Variants in ADSS1 observed in about 807,000 individuals in gnomAD.
ADSS1 encodes the protein adenylosuccinate synthetase isozyme 1.
ADSS1 carries 57 observed loss-of-function variants against 59.1 expected under a neutral mutation model. That is an observed-to-expected ratio of 0.97 (90% CI 0.78 to 1.20). The LOEUF is 1.20. Ranked by LOEUF, ADSS1 falls within the 50% of genes most tolerant of loss-of-function variation. The probability of loss-of-function intolerance (pLI) is 0.00; values close to 1 mark genes in which losing one functional copy is unlikely to be tolerated. For missense variants in ADSS1, 603 were observed against 610.3 expected (o/e 0.99, Z 0.13); for synonymous variants, 247 against 249.4 (o/e 0.99, Z 0.09).
chr14:104,730,108 G>T, intron 1 of ADSS1: 2 of 1,550,176 alleles, frequency 1.3e-6, no homozygotes, highest in Non-Finnish European at 1.7e-6. Context: ...GGGTGACGCT[G>T]GGAGAGGAGA....
chr14:104,729,529 G>A (rs1204571843), intron 1 of ADSS1, among the ~76,000 whole-genome samples: 2 of 124,252 alleles, frequency 1.6e-5, no homozygotes, highest in African/African-American at 7.6e-5. Context: ...GCGTGGCGTC[G>A]GCGTCGTGGG....
Position 104,743,136 on chromosome 14 carries a change from G to C in ADSS1, c.1018G>C (p.Gly340Arg), listed in dbSNP as rs989698681. Residue 340 changes from glycine (G) to arginine (R), a missense_variant, in exon 10 of 13, where the codon GGC becomes CGC. Coordinates refer to ENST00000330877, the MANE Select transcript of ADSS1 (RefSeq NM_152328.5). Reference sequence around the variant, plus strand: ...GACCACAGGCAGGAAGAGGCGCTGCGGCTGGCTCGACCTGATGATTCTAAG... The same window carrying C: ...GACCACAGGCAGGAAGAGGCGCTGCCGCTGGCTCGACCTGATGATTCTAAG... Reference protein sequence around the residue: ...GVTTGRKRRCGWLDLMILRYA... With the variant: ...GVTTGRKRRCRWLDLMILRYA... The C allele has an allele frequency of 1.9e-6, 3 of 1,612,688 alleles. No homozygotes were observed. Among genetic ancestry groups the C allele is most frequent in the Non-Finnish European group, 2.5e-6 (3 of 1,180,018 alleles).
intron 2 of ADSS1, among the ~76,000 whole-genome samples, chr14:104,736,376 T>C (rs550504345): frequency 1.2e-3 from 182 of 152,328 alleles, no homozygotes; most frequent in Middle Eastern, 3.4e-3. Context: ...GGGCCCCACA[T>C]GGCAGGAAAC....
In ADSS1 at chr14:104,740,790, G is replaced by A. The variant is rs1891317949; in HGVS notation, c.585-49G>A. ...TGTGGCTAGTGGGGAGGGCCCTGAG[G>A]ACCAGCATGGACCATGACAGGGGGT... On this transcript the variant is annotated intron_variant, in intron 6 of 12. Coordinates refer to ENST00000330877, the MANE Select transcript of ADSS1 (RefSeq NM_152328.5). The surrounding 1 kb of genome is among the most constrained non-coding windows in gnomAD (Gnocchi z 4.8). The A allele has an allele frequency of 6.2e-7, 1 of 1,612,694 alleles. No individual in the cohort carries two copies. Among genetic ancestry groups the A allele is most frequent in the Non-Finnish European group, 8.5e-7 (1 of 1,179,234 alleles).
At chr14:104,746,585 G>T (rs888773329) in intron 12 of ADSS1, among the ~76,000 whole-genome samples, 200 bp downstream of exon 12, 6 of 152,072 alleles carry the variant, frequency 3.9e-5, no homozygotes, top group African/African-American at 1.4e-4. Flanking sequence ...CTTGCCGGGA[G>T]CCCCTGCCTC....
At chr14:104,744,249 T>C in intron 10 of ADSS1, 1 of 153,520 alleles carries the variant, frequency 6.5e-6, no homozygotes, top group Non-Finnish European at 1.4e-5. Context: ...CGGGGGGCAC[T>C]CGAGGTACAG....
chr14:104,738,638 T>C (rs898872547), intron 3 of ADSS1, among the ~76,000 whole-genome samples, 200 bp downstream of exon 3: 48 of 152,320 alleles, frequency 3.2e-4, no homozygotes, highest in African/African-American at 1.1e-3. Context: ...CCTCAGATGC[T>C]GGTGGCCTCA....
chr14:104,726,366 G>A lies in ADSS1; in HGVS notation c.192+1904G>A, dbSNP rs117275656. ...GCCCTTTGTCCCCACCTGCGAGTGC[G>A]GGGACCGAGCTGGATCTCAGCGGGG... On this transcript the variant is annotated intron_variant, in intron 1 of 12. Coordinates refer to ENST00000330877, the MANE Select transcript of ADSS1 (RefSeq NM_152328.5). Among the ~76,000 whole-genome samples the A allele has an allele frequency of 2.7e-3, 410 of 152,316 alleles. 3 individuals are homozygous for A. The East Asian group carries it at 0.033, about 12-fold the overall frequency.
chr14:104,739,987 G>A (rs966197510), intron 5 of ADSS1, among the ~76,000 whole-genome samples, 171 bp downstream of exon 5: 4 of 152,062 alleles, frequency 2.6e-5, no homozygotes, highest in African/African-American at 9.7e-5. Context: ...ACCCCCGGAC[G>A]AGCCAGCCCG....
chr14:104,732,816 G>A (rs1890978212), intron 1 of ADSS1, among the ~76,000 whole-genome samples: 1 of 152,216 alleles, frequency 6.6e-6, no homozygotes, highest in Admixed American at 6.5e-5. Context: ...CCAAAAGGCA[G>A]CAGATGCAGT....
In ADSS1 at chr14:104,740,734, G is replaced by A; in HGVS notation, c.584+26G>A. On this transcript the variant is annotated intron_variant, in intron 6 of 12. Coordinates refer to ENST00000330877, the MANE Select transcript of ADSS1 (RefSeq NM_152328.5). The surrounding 1 kb of genome is among the most constrained non-coding windows in gnomAD (Gnocchi z 4.8). The stretch of plus-strand genomic sequence containing the variant: ...GTACCTGAGCCGTCTGCAGTCCCCG[G>A]GGAGGATGGGGAGAAGTTGCCGGAA... The A allele has an allele frequency of 6.2e-7, 1 of 1,613,410 alleles. No homozygotes were observed. Among genetic ancestry groups the A allele is most frequent in the Non-Finnish European group, 8.5e-7 (1 of 1,179,448 alleles).
At position 104,741,917 on chromosome 14, in the gene ADSS1, C is replaced by T. The variant is rs371777343; in HGVS notation, c.863C>T (p.Pro288Leu). The T allele has an allele frequency of 1.6e-5, 26 of 1,613,414 alleles. No individual in the cohort carries two copies. The highest frequency in any genetic ancestry group is 1.8e-5 in the Non-Finnish European group (21 of 1,180,020). The stretch of plus-strand genomic sequence containing the variant: ...GTGTGCACGGGCCTGGGCATCCCCC[C>T]GCAGAACATAGGTGACGTGTATGGC... The part of the protein sequence containing the change: ...GGVCTGLGIP[P>L]QNIGDVYGVV... The change falls in exon 9 of 13, where the codon CCG (proline) becomes CTG (leucine). Residue 288 changes from proline (P) to leucine (L), a missense_variant. Transcript: ENST00000330877.
chr14:104,738,167 T>A, intron 2 of ADSS1: 1 of 414,882 alleles, frequency 2.4e-6, no homozygotes, highest in Non-Finnish European at 4.5e-6. Flanking sequence ...AAGATAATTT[T>A]TTGTATTTTT....
intron 7 of ADSS1, 82 bp from the exon 8 acceptor site, chr14:104,741,035 T>G (rs1191206180): frequency 1.3e-6 from 2 of 1,593,412 alleles, no homozygotes; most frequent in Non-Finnish European, 1.7e-6. Context: ...GGCATTGTTA[T>G]GGGCTGGCCA....
intron 1 of ADSS1, among the ~76,000 whole-genome samples, chr14:104,732,828 G>A (rs560354881): frequency 9.8e-5 from 15 of 152,338 alleles, no homozygotes; most frequent in Admixed American, 2.0e-4. Flanking sequence ...AGATGCAGTC[G>A]TGGGCATGAA....
At chr14:104,728,514 G>A (rs2140745290) in intron 1 of ADSS1, among the ~76,000 whole-genome samples, 2 of 152,220 alleles carry the variant, frequency 1.3e-5, no homozygotes, top group Middle Eastern at 3.4e-3. Context: ...TGAATGGTGG[G>A]AGCCTGCAAG....
intron 11 of ADSS1, chr14:104,745,874 G>A (rs1352799582): frequency 5.8e-6 from 1 of 171,188 alleles, no homozygotes; most frequent in South Asian, 1.8e-4. Context: ...CTTGGGGTGG[G>A]AGGACACAGA....
At position 104,740,160 on chromosome 14, in the gene ADSS1, T is replaced by C. The variant is rs889176348; in HGVS notation, c.476+344T>C. Reference sequence around the variant, plus strand: ...AACACTAAAGCAGTTTAGTAGAACCTCAGATGTGCCAAGGACACAGGAGTG... The same window carrying C: ...AACACTAAAGCAGTTTAGTAGAACCCCAGATGTGCCAAGGACACAGGAGTG... On this transcript the variant is annotated intron_variant, in intron 5 of 12. Transcript: ENST00000330877. The surrounding 1 kb of genome is among the most constrained non-coding windows in gnomAD (Gnocchi z 4.8). Among the ~76,000 whole-genome samples the C allele has an allele frequency of 2.0e-5, 3 of 151,902 alleles. No individual in the cohort carries two copies. Among genetic ancestry groups the C allele is most frequent in the African/African-American group, 7.3e-5 (3 of 41,328 alleles).
intron 1 of ADSS1, among the ~76,000 whole-genome samples, chr14:104,727,773 C>A (rs1566793138): frequency 6.6e-6 from 1 of 152,208 alleles, no homozygotes; most frequent in Non-Finnish European, 1.5e-5. Context: ...CTAGTTCCTC[C>A]TTCCATCTCC....
Sources: gnomAD v4.1 joint callset for allele counts (sites outside exome capture counted in the v4.1 genomes callset) on GRCh38, gnomAD v4.1.1 for gene constraint, Gnocchi (gnomAD v3.1) non-coding constraint, MANE v1.5 for transcripts, NCBI Gene and HGNC (gene_info 2026-07-23, HGNC 2026-07-21) for gene names.